The following ARHGAP24 variants were observed in gnomAD, a reference collection of about 807,000 sequenced individuals.
The protein encoded by ARHGAP24 is Rho GTPase activating protein 24.
Under a neutral mutation model 76.4 loss-of-function variants are expected in ARHGAP24, and 50 were observed. The ratio of observed to expected loss-of-function variants is 0.65; its 90% CI spans 0.52 to 0.83. The LOEUF (loss-of-function observed/expected upper bound fraction) is 0.83, where lower values mean the gene tolerates loss of function less well. ARHGAP24 is among the 40% of genes least tolerant of loss of function. The pLI is 0.00. For missense variants in ARHGAP24, 930 were observed against 914.2 expected, an observed-to-expected ratio of 1.02 and a Z score of -0.22; for synonymous variants, 345 against 323.3, an observed-to-expected ratio of 1.07 and a Z score of -0.72.
chr4:85,752,165 C>T (rs1726288975), intron 3 of ARHGAP24, among the ~76,000 whole-genome samples: 1 of 152,170 alleles, frequency 6.6e-6, no homozygotes, highest in Non-Finnish European at 1.5e-5. Flanking sequence ...GCTCACTCTG[C>T]CTTACAGGTG....
chr4:85,804,118 G>A (rs1334777936), intron 3 of ARHGAP24, among the ~76,000 whole-genome samples: 1 of 151,598 alleles, frequency 6.6e-6, no homozygotes, highest in East Asian at 1.9e-4. Context: ...CTTTTGTATT[G>A]ACAAATTCCT....
In ARHGAP24 at chr4:85,721,846, C is replaced by A. The variant is rs6816135; in HGVS notation, c.181-39C>A. The A allele has an allele frequency of 9.8e-3, 14,976 of 1,533,730 alleles. 1,095 individuals are homozygous for A. In the African/African-American group the frequency reaches 0.18, roughly 18 times the overall value. ...ATAATGATGATATATGATGTTTGCT[C>A]TCTGATGATGTTGATGTTTTGGGTA... On this transcript the variant is annotated intron_variant, in intron 2 of 9. Transcript: ENST00000395184.
intron 2 of ARHGAP24, among the ~76,000 whole-genome samples, chr4:85,713,909 T>C (rs1027193169): frequency 1.3e-5 from 2 of 152,194 alleles, no homozygotes; most frequent in Non-Finnish European, 2.9e-5. Flanking sequence ...TGAATGCCTG[T>C]AATATTACAG....
At chr4:85,602,286 G>C (rs1720055536) in intron 2 of ARHGAP24, among the ~76,000 whole-genome samples, 1 of 152,184 alleles carries the variant, frequency 6.6e-6, no homozygotes, top group Non-Finnish European at 1.5e-5. Flanking sequence ...TGACCACACA[G>C]ATTGCAATTA....
chr4:85,756,494 T>C (rs866713356), intron 3 of ARHGAP24, among the ~76,000 whole-genome samples: 16 of 152,326 alleles, frequency 1.1e-4, no homozygotes, highest in African/African-American at 3.8e-4. Flanking sequence ...ATCTAGTTCT[T>C]CATTTCCAAA....
In ARHGAP24 at chr4:85,967,498, A is replaced by G. The variant is rs115020377; in HGVS notation, c.600-4538A>G. ...GTAATTCTCCCTTTAAGTTTGTAAA[A>G]AAGCAATAACCAGGAGGAAACACGA... is the stretch of plus-strand genomic sequence containing the variant. On this transcript the variant is annotated intron_variant, in intron 5 of 9. Transcript: ENST00000395184. Among the ~76,000 whole-genome samples the G allele has an allele frequency of 9.2e-3, 1,404 of 152,220 alleles. 27 individuals carry two copies. The highest frequency in any genetic ancestry group is 0.032 in the African/African-American group (1,348 of 41,518).
rs138881599 is a variant in ARHGAP24 at position 85,954,558 on chromosome 4, A to G, written c.599+12285A>G. ...CTAATACCTACTTGTTTTACAAATGAAGATCCTTGCTCGTGCTCCCTTCGG... is the reference window on the plus strand; with the variant it reads ...CTAATACCTACTTGTTTTACAAATGGAGATCCTTGCTCGTGCTCCCTTCGG... On this transcript the variant is annotated intron_variant, in intron 5 of 9. Coordinates refer to ENST00000395184, the MANE Select transcript of ARHGAP24 (RefSeq NM_001025616.3). Among the ~76,000 whole-genome samples the G allele has an allele frequency of 3.9e-3, 588 of 152,376 alleles. 3 individuals carry two copies. The highest frequency in any genetic ancestry group is 5.6e-3 in the Non-Finnish European group (378 of 68,044).
At chr4:85,971,254 T>C (rs1190318978) in intron 5 of ARHGAP24, among the ~76,000 whole-genome samples, 2 of 152,202 alleles carry the variant, frequency 1.3e-5, no homozygotes, top group Admixed American at 6.5e-5. Flanking sequence ...GAGTCCAACA[T>C]TTTGAGAGAT....
intron 3 of ARHGAP24, among the ~76,000 whole-genome samples, chr4:85,891,392 CTA>C (rs1469146693): frequency 8.1e-6 from 1 of 123,826 alleles, no homozygotes; most frequent in Non-Finnish European, 1.7e-5. Context: ...ACTTCCAACA[CTA>C]TGTTGAATAG....
At chr4:85,535,960 C>T (rs543410322) in intron 1 of ARHGAP24, among the ~76,000 whole-genome samples, 1 of 152,182 alleles carries the variant, frequency 6.6e-6, no homozygotes, top group African/African-American at 2.4e-5. Context: ...TTGTTGATTG[C>T]CTGTGTCTCG....
chr4:85,930,560 G>C (rs1736270805), intron 4 of ARHGAP24: 25 of 1,037,594 alleles, frequency 2.4e-5, no homozygotes, highest in Non-Finnish European at 2.9e-5. Context: ...TGAGAAGACA[G>C]TTCTTAATAA....
chr4:85,961,768 A>T (rs1272332897), intron 5 of ARHGAP24, among the ~76,000 whole-genome samples: 1 of 152,146 alleles, frequency 6.6e-6, no homozygotes, highest in Non-Finnish European at 1.5e-5. Flanking sequence ...TAGAAAATAT[A>T]CACACACATA....
chr4:85,524,850 A>G (rs1190072356), intron 1 of ARHGAP24, among the ~76,000 whole-genome samples: 1 of 152,182 alleles, frequency 6.6e-6, no homozygotes, highest in Non-Finnish European at 1.5e-5. Context: ...GCTGTATAAT[A>G]TAGACCTAAT....
chr4:85,540,239 A>G lies in ARHGAP24; in HGVS notation c.-20-30283A>G, dbSNP rs190031388. 1.5e-3 allele frequency among the ~76,000 whole-genome samples: 225 copies of G among 152,188 alleles called. 1 individual carries two copies. The highest frequency in any genetic ancestry group is 0.01 in the Middle Eastern group (3 of 294). On this transcript the variant is annotated intron_variant, in intron 1 of 9. Transcript: ENST00000395184. ...TGGCTCCTTGAAATATCATATCAAT[A>G]TTTATAAATAAACACAAATAAAATT...
At chr4:85,530,850 G>A (rs907597600) in intron 1 of ARHGAP24, among the ~76,000 whole-genome samples, 1 of 151,992 alleles carries the variant, frequency 6.6e-6, no homozygotes, top group Non-Finnish European at 1.5e-5. Context: ...AACATATTTT[G>A]TTGAAAGAAA....
At chr4:85,931,602 A>C (rs1736335822) in intron 4 of ARHGAP24, among the ~76,000 whole-genome samples, 1 of 152,206 alleles carries the variant, frequency 6.6e-6, no homozygotes, top group South Asian at 2.1e-4. Flanking sequence ...ATATATCACA[A>C]GGTGGCACTG....
intron 3 of ARHGAP24, among the ~76,000 whole-genome samples, chr4:85,890,938 A>C (rs1733852965): frequency 6.6e-6 from 1 of 152,182 alleles, no homozygotes; most frequent in African/African-American, 2.4e-5. Context: ...TCATTTAACA[A>C]GTGTCTGCAA....
chr4:85,570,606 A>T lies in ARHGAP24; in HGVS notation c.65A>T (p.Lys22Met), dbSNP rs1326958379. ...QQGQGRQNAI[K>M]CGWLRKQGGF... ...GGCCAAGGGCGGCAGAATGCCATCA[A>T]GTGTGGGTGGCTGAGGAAGCAAGGA... Residue 22 changes from lysine to methionine, a missense_variant, in exon 2 of 10, where the codon AAG becomes ATG. By Grantham distance (95) the Lys-to-Met change is moderately conservative (BLOSUM62 -1). Coordinates refer to ENST00000395184, the MANE Select transcript of ARHGAP24 (RefSeq NM_001025616.3). 5 of 1,613,980 alleles carry T rather than the reference A, an allele frequency of 3.1e-6. No individual in the cohort carries two copies. The highest frequency in any genetic ancestry group is 4.2e-6 in the Non-Finnish European group (5 of 1,180,026).
intron 2 of ARHGAP24, among the ~76,000 whole-genome samples, chr4:85,657,367 A>T (rs1424865611): frequency 1.3e-5 from 2 of 152,226 alleles, no homozygotes; most frequent in Non-Finnish European, 2.9e-5. Context: ...TCATAACTAA[A>T]GTTTGAACCT....
Sources: allele counts gnomAD v4.1 joint callset (sites outside exome capture counted in the v4.1 genomes callset), GRCh38; gene constraint gnomAD v4.1.1; transcripts MANE v1.5; gene names NCBI Gene and HGNC (gene_info 2026-07-23, HGNC 2026-07-21).